POLDIP3: variants seen among roughly 807,000 people sequenced by gnomAD.
POLDIP3 encodes DNA polymerase delta interacting protein 3, also known as polymerase delta-interacting protein 3.
Under a neutral mutation model 45.1 loss-of-function variants are expected in POLDIP3, and 14 were observed. The ratio of observed to expected loss-of-function variants is 0.31; its 90% CI spans 0.20 to 0.49. POLDIP3 has a LOEUF of 0.49. Among genes scored for constraint, POLDIP3 ranks in the 20% least tolerant of loss-of-function variants. The pLI, the probability that POLDIP3 is intolerant of heterozygous loss-of-function variation, is 0.99. For missense variants in POLDIP3, 511 were observed against 538.8 expected (o/e 0.95, Z 0.51); for synonymous variants, 223 against 205.2 (o/e 1.09, Z -0.74).
chr22:42,608,260 C>G lies in POLDIP3; in HGVS notation c.60-5100G>C, dbSNP rs1334766495. 3.8e-5 allele frequency among the ~76,000 whole-genome samples: 5 copies of G among 130,382 alleles called. No individual in the cohort carries two copies. In the South Asian group the frequency reaches 7.9e-4, roughly 21 times the overall value. 85.5% of individuals were successfully genotyped at this position (130,382 alleles called of 152,430 possible). ...CTGTTAATCTATAACCTTACCCCCC[C>G]CCCCAAAAAAAAATTAGCTGCAAGT... is the stretch of plus-strand genomic sequence containing the variant. On this transcript the variant is annotated intron_variant, in intron 1 of 8. Transcript: ENST00000252115.
In POLDIP3 at chr22:42,599,686, G is replaced by A. The variant is rs373237031; in HGVS notation, c.633+12C>T. 3 of 1,575,956 alleles carry A rather than the reference G, an allele frequency of 1.9e-6. No individual in the cohort carries two copies. The highest frequency in any genetic ancestry group is 2.7e-5 in the African/African-American group (2 of 73,944). On this transcript the variant is annotated intron_variant, in intron 4 of 8. Transcript: ENST00000252115. Reference sequence around the variant, plus strand: ...TCAGACACGCAGTGTAAGAAAACATGAAATGCCATACCATGTGGTGGAGAA... The same window carrying A: ...TCAGACACGCAGTGTAAGAAAACATAAAATGCCATACCATGTGGTGGAGAA...
At chr22:42,610,865 C>T (rs951398244) in intron 1 of POLDIP3, among the ~76,000 whole-genome samples, 42 of 152,178 alleles carry the variant, frequency 2.8e-4, no homozygotes, top group African/African-American at 9.2e-4. Flanking sequence ...GTGATCTTGC[C>T]ACTGCACTCC....
At chr22:42,613,732 G>C (rs1248103982) in intron 1 of POLDIP3, among the ~76,000 whole-genome samples, 1 of 152,148 alleles carries the variant, frequency 6.6e-6, no homozygotes, top group Non-Finnish European at 1.5e-5. Flanking sequence ...CTGCACTCCA[G>C]CCTGGGCGAC....
At chr22:42,608,978 G>A (rs958316601) in intron 1 of POLDIP3, among the ~76,000 whole-genome samples, 2 of 152,210 alleles carry the variant, frequency 1.3e-5, no homozygotes, top group Middle Eastern at 3.2e-3. Flanking sequence ...TGAAAAGACA[G>A]CTATTCATCC....
intron 1 of POLDIP3, among the ~76,000 whole-genome samples, chr22:42,611,514 C>T (rs6002814): frequency 9.8e-5 from 15 of 152,334 alleles, no homozygotes; most frequent in African/African-American, 3.4e-4. Flanking sequence ...AAAAAGCTTT[C>T]TTAAACAACA....
chr22:42,611,830 T>C (rs996864672), intron 1 of POLDIP3, among the ~76,000 whole-genome samples: 1 of 152,114 alleles, frequency 6.6e-6, no homozygotes, highest in African/African-American at 2.4e-5. Context: ...TGAGCTGAGA[T>C]CATGCCATTG....
Position 42,602,977 on chromosome 22 carries a change from T to C in POLDIP3, c.243A>G (p.Lys81=), listed in dbSNP as rs143360472. ...TCCCTTTGATTCGAAATCGGGCATC[T>C]TTCTGCAAAAGCTTCTCCCGGGCAT... ...VKDAREKLLQ[K]DARFRIKGKV... Residue 81 remains lysine (K), a synonymous_variant, in exon 2 of 9, where the codon AAA becomes AAG. Transcript: ENST00000252115. 6.2e-7 allele frequency: 1 copy of C among 1,614,002 alleles called. No homozygotes were observed. The highest frequency in any genetic ancestry group is 8.5e-7 in the Non-Finnish European group (1 of 1,180,032).
intron 1 of POLDIP3, 127 bp from the exon 2 acceptor site, chr22:42,603,287 T>C: frequency 1.0e-6 from 1 of 961,352 alleles, no homozygotes; most frequent in Non-Finnish European, 1.5e-6. Context: ...TCCTTGCCTG[T>C]GATTGAATAA....
Position 42,596,327 on chromosome 22 carries a change from G to A in POLDIP3, c.672C>T (p.Ala224=). The change falls in exon 5 of 9, where the codon GCC becomes GCT. Residue 224 remains alanine, a synonymous_variant. Transcript: ENST00000252115. Reference sequence around the variant, plus strand: ...TCTGAACCACTTTGGTGAGAGGGAGGGCCTTGGACATGGAAAGCTTGGAAC... The same window carrying A: ...TCTGAACCACTTTGGTGAGAGGGAGAGCCTTGGACATGGAAAGCTTGGAAC... ...LSSSKLSMSK[A]LPLTKVVQND... 1 of 1,614,158 alleles carries A rather than the reference G, an allele frequency of 6.2e-7. No homozygotes were observed. The highest frequency in any genetic ancestry group is 8.5e-7 in the Non-Finnish European group (1 of 1,180,020).
Position 42,585,875 on chromosome 22 carries a change from G to A in POLDIP3, c.1182C>T (p.Asp394=). The change falls in exon 9 of 9, where the codon GAC becomes GAT. Residue 394 remains aspartate (D), a synonymous_variant. Transcript: ENST00000252115. ...AGAGTGCCTTCAGGATGGTGTCAGGGTCCACTTCGGCAGGGGGGTTGGAGG... is the reference window on the plus strand; with the variant it reads ...AGAGTGCCTTCAGGATGGTGTCAGGATCCACTTCGGCAGGGGGGTTGGAGG... ...ASSSNPPAEV[D]PDTILKALFK... is the part of the protein sequence containing the mutation. 1 of 1,613,388 alleles carries A rather than the reference G, an allele frequency of 6.2e-7. No homozygotes were observed. The highest frequency in any genetic ancestry group is 8.5e-7 in the Non-Finnish European group (1 of 1,179,994).
Position 42,614,800 on chromosome 22 carries a change from G to A in POLDIP3, c.58C>T (p.Arg20Trp). 2.5e-6 allele frequency: 4 copies of A among 1,614,026 alleles called. No homozygotes were observed. Among genetic ancestry groups the A allele is most frequent in the African/African-American group, 2.7e-5 (2 of 75,060 alleles). Residue 20 changes from arginine to tryptophan, a missense_variant and splice_region_variant, in exon 1 of 9, where the codon CGG becomes TGG. Arg to Trp is a moderately radical substitution (Grantham distance 101). Coordinates refer to ENST00000252115, the MANE Select transcript of POLDIP3 (RefSeq NM_032311.5). Reference sequence around the variant, plus strand: ...CCGAAGAAAGGAAAGGCCTCTCACCGTCCTTTCGCCGCCGCCCCGCGCTTC... The same window carrying A: ...CCGAAGAAAGGAAAGGCCTCTCACCATCCTTTCGCCGCCGCCCCGCGCTTC... Reference protein sequence around the residue: ...IRKRGAAAKGRLNARPGVGGV... With the variant: ...IRKRGAAAKGWLNARPGVGGV...
At chr22:42,595,511 A>C (rs1225824240) in intron 6 of POLDIP3, 26 bp downstream of exon 6, 2 of 1,605,478 alleles carry the variant, frequency 1.2e-6, no homozygotes, top group South Asian at 2.2e-5. Flanking sequence ...TTGAGATTTA[A>C]ATGTTTGGTA....
Position 42,591,839 on chromosome 22 carries a change from G to A in POLDIP3, c.1021+116C>T, listed in dbSNP as rs114769499. 1,232 of 1,366,148 alleles carry A rather than the reference G, an allele frequency of 9.0e-4. 10 individuals carry two copies. In the African/African-American group the frequency reaches 0.016, roughly 18 times the overall value. 84.6% of individuals were successfully genotyped at this position (1,366,148 alleles called of 1,614,324 possible). Reference sequence around the variant, plus strand: ...CTGCACGGCAGTTCCTGGTGCAGACGAGGCCCCAGAGATGGGTTCCACCCA... The same window carrying A: ...CTGCACGGCAGTTCCTGGTGCAGACAAGGCCCCAGAGATGGGTTCCACCCA... On this transcript the variant is annotated intron_variant, in intron 7 of 8. Transcript: ENST00000252115.
intron 1 of POLDIP3, among the ~76,000 whole-genome samples, chr22:42,604,889 G>A (rs1457180310): frequency 6.6e-6 from 1 of 152,218 alleles, no homozygotes; most frequent in South Asian, 2.1e-4. Flanking sequence ...GGTGGTAGAA[G>A]GTGGTGGCCT....
At position 42,585,660 on chromosome 22, in the gene POLDIP3, G is replaced by T; in HGVS notation, c.*131C>A. 6 of 1,074,448 alleles carry T rather than the reference G, an allele frequency of 5.6e-6. No individual in the cohort carries two copies. Among genetic ancestry groups the T allele is most frequent in the Non-Finnish European group, 8.2e-6 (6 of 733,946 alleles). 66.6% of individuals were successfully genotyped at this position (1,074,448 alleles called of 1,614,324 possible). On this transcript the variant is annotated 3_prime_UTR_variant, in exon 9 of 9. Transcript: ENST00000252115. Reference sequence around the variant, plus strand: ...AAGGCGGGTCCCATCCAGTGAGGAAGCTCTTTATCCCTGGCAACCCTTCCC... The same window carrying T: ...AAGGCGGGTCCCATCCAGTGAGGAATCTCTTTATCCCTGGCAACCCTTCCC...
intron 1 of POLDIP3, among the ~76,000 whole-genome samples, chr22:42,614,594 G>A (rs1927353251): frequency 6.6e-6 from 1 of 152,060 alleles, no homozygotes; most frequent in African/African-American, 2.4e-5. Flanking sequence ...GGCCTCCCAG[G>A]GCCGCCAGAG....
At chr22:42,596,828 G>A (rs1384527514) in intron 4 of POLDIP3, among the ~76,000 whole-genome samples, 2 of 152,082 alleles carry the variant, frequency 1.3e-5, no homozygotes, top group Admixed American at 1.3e-4. Flanking sequence ...AGACCAACCT[G>A]GGCAACACAG....
At chr22:42,588,098 A>G (rs1253573615) in intron 7 of POLDIP3, among the ~76,000 whole-genome samples, 1 of 152,226 alleles carries the variant, frequency 6.6e-6, no homozygotes, top group South Asian at 2.1e-4. Context: ...TAGTGAATAC[A>G]TCATTAAAGG....
chr22:42,603,891 T>C (rs1041674207), intron 1 of POLDIP3, among the ~76,000 whole-genome samples: 1 of 152,218 alleles, frequency 6.6e-6, no homozygotes, highest in Admixed American at 6.5e-5. Context: ...GTATGCAATA[T>C]AATCCATGGA....
Sources: allele counts gnomAD v4.1 joint callset (sites outside exome capture counted in the v4.1 genomes callset), GRCh38; gene constraint gnomAD v4.1.1; transcripts MANE v1.5; gene names NCBI Gene and HGNC (gene_info 2026-07-23, HGNC 2026-07-21).